The following CSMD3 variants were observed in gnomAD, a reference collection of about 807,000 sequenced individuals.
CSMD3 encodes CUB and sushi domain-containing protein 3.
CSMD3 carries 177 observed loss-of-function variants against 435.2 expected under a neutral mutation model. That is an observed-to-expected ratio of 0.41 (90% CI 0.36 to 0.46). The LOEUF is 0.46. Among genes scored for constraint, CSMD3 ranks in the 20% least tolerant of loss-of-function variants. The probability of loss-of-function intolerance (pLI) is 0.34; values close to 1 mark genes in which losing one functional copy is unlikely to be tolerated. For missense variants in CSMD3, 4,265 were observed against 4,504.6 expected, an observed-to-expected ratio of 0.95 and a Z score of 1.52; for synonymous variants, 1,656 against 1,520.5, an observed-to-expected ratio of 1.09 and a Z score of -2.07.
At position 112,231,566 on chromosome 8, in the gene CSMD3, G is replaced by T; in HGVS notation, c.10807C>A (p.Gln3603Lys). ...QGFIQGKDYG[Q>K]FGLQRLGLNM... ...TTACCCAGTCTTTGTAGGCCAAATT[G>T]TCCATAATCTTTGCCTTGAATAAAT... The change falls in exon 69 of 71, where the codon CAA becomes AAA. Residue 3603 changes from glutamine (Q) to lysine (K), a missense_variant. Physicochemically the swap from Gln to Lys is moderately conservative, Grantham distance 53. Around this residue, in one of 3 missense-constraint regions of CSMD3, gnomAD observed 3,255 missense variants for 3,380.2 expected, o/e 0.96. Transcript: ENST00000297405. The T allele has an allele frequency of 1.2e-6, 2 of 1,608,252 alleles. No homozygotes were observed. The highest frequency in any genetic ancestry group is 1.7e-6 in the Non-Finnish European group (2 of 1,174,974).
intron 11 of CSMD3, among the ~76,000 whole-genome samples, chr8:112,843,523 G>A (rs2080237479): frequency 6.6e-6 from 1 of 151,886 alleles, no homozygotes; most frequent in African/African-American, 2.4e-5. Flanking sequence ...TAAGAATCTT[G>A]AGATGAAAAG....
intron 9 of CSMD3, among the ~76,000 whole-genome samples, chr8:112,936,423 C>CAT (rs2083282317): frequency 6.6e-6 from 1 of 152,028 alleles, no homozygotes; most frequent in South Asian, 2.1e-4. Context: ...TTTACATATA[C>CAT]ATAATAAAGC....
At chr8:112,717,615 A>G (rs1275079000) in intron 13 of CSMD3, among the ~76,000 whole-genome samples, 1 of 152,184 alleles carries the variant, frequency 6.6e-6, no homozygotes, top group African/African-American at 2.4e-5. Context: ...ATGAACACCT[A>G]TGTTTATTGC....
At chr8:112,420,963 G>T (rs1812432268) in intron 32 of CSMD3, among the ~76,000 whole-genome samples, 1 of 152,060 alleles carries the variant, frequency 6.6e-6, no homozygotes, top group South Asian at 2.1e-4. Flanking sequence ...TGCCTTTTCT[G>T]CAGGCAAAGT....
At chr8:112,343,001 T>TTATATATA (rs34740069) in intron 41 of CSMD3, among the ~76,000 whole-genome samples, 36 of 109,674 alleles carry the variant, frequency 3.3e-4, no homozygotes, top group African/African-American at 8.1e-4. Flanking sequence ...ATATATATAT[T>TTATATATA]TATATATATA....
At chr8:112,838,184 G>T (rs908620106) in intron 11 of CSMD3, among the ~76,000 whole-genome samples, 1 of 151,584 alleles carries the variant, frequency 6.6e-6, no homozygotes, top group Non-Finnish European at 1.5e-5. Flanking sequence ...GTTGGGAACT[G>T]GGAAAGAACA....
chr8:113,031,915 G>C (rs955155938), intron 5 of CSMD3, among the ~76,000 whole-genome samples: 3 of 151,406 alleles, frequency 2.0e-5, no homozygotes, highest in Non-Finnish European at 4.4e-5. Context: ...TGATAGTGAG[G>C]GAGTTCTCAT....
At position 113,030,435 on chromosome 8, in the gene CSMD3, A is replaced by AT. The variant is rs1369587396; in HGVS notation, c.918-11257_918-11256insA. 2.5e-3 allele frequency among the ~76,000 whole-genome samples: 380 copies of AT among 149,460 alleles called. 4 individuals are homozygous for AT. The highest frequency in any genetic ancestry group is 8.5e-3 in the African/African-American group (350 of 41,202). ...GTACTGGTAAAAAAAAAAAAAAAAA[A>AT]AAAAAAAAAAGATAAGCATGTAGGC... is the stretch of plus-strand genomic sequence containing the variant. On this transcript the variant is annotated intron_variant, in intron 5 of 70. Coordinates refer to ENST00000297405, the MANE Select transcript of CSMD3 (RefSeq NM_198123.2).
At chr8:112,680,584 T>G (rs926844220) in intron 16 of CSMD3, among the ~76,000 whole-genome samples, 1 of 152,158 alleles carries the variant, frequency 6.6e-6, no homozygotes, top group African/African-American at 2.4e-5. Context: ...TCATAATTAT[T>G]GACAGAGTAG....
chr8:113,305,599 A>T (rs2093813812), intron 2 of CSMD3, among the ~76,000 whole-genome samples: 1 of 152,206 alleles, frequency 6.6e-6, no homozygotes, highest in South Asian at 2.1e-4. Context: ...CTATTTCTTC[A>T]CTAAAAGCCA....
At chr8:113,090,654 C>G (rs1018123042) in intron 5 of CSMD3, among the ~76,000 whole-genome samples, 3 of 152,118 alleles carry the variant, frequency 2.0e-5, no homozygotes, top group Non-Finnish European at 4.4e-5. Context: ...TCTTCAATCT[C>G]CTCCTCCATT....
intron 53 of CSMD3, 98 bp from the exon 54 acceptor site, chr8:112,296,104 T>TA (rs1820240233): frequency 1.1e-6 from 1 of 936,232 alleles, no homozygotes; most frequent in African/African-American, 1.6e-5. Flanking sequence ...AAAGTTGTCT[T>TA]AAAAGCAAGC....
intron 5 of CSMD3, among the ~76,000 whole-genome samples, chr8:113,065,243 A>C (rs527845644): frequency 6.6e-6 from 1 of 152,304 alleles, no homozygotes; most frequent in South Asian, 2.1e-4. Flanking sequence ...AAAATACAAA[A>C]CAAAATATTA....
chr8:112,687,813 A>G (rs1489308697), intron 14 of CSMD3, among the ~76,000 whole-genome samples: 1 of 152,106 alleles, frequency 6.6e-6, no homozygotes, highest in Admixed American at 6.6e-5. Flanking sequence ...TTTCATATTT[A>G]AGGGGAAAAC....
chr8:112,864,261 TTG>T (rs2080912364), intron 10 of CSMD3, among the ~76,000 whole-genome samples: 1 of 152,244 alleles, frequency 6.6e-6, no homozygotes, highest in East Asian at 1.9e-4. Flanking sequence ...GTTGTTGTTG[TTG>T]TTTTAGACGG....
chr8:113,218,782 G>A (rs1325844618), intron 3 of CSMD3, among the ~76,000 whole-genome samples: 1 of 151,056 alleles, frequency 6.6e-6, no homozygotes, highest in East Asian at 1.9e-4. Flanking sequence ...AAATGCTTGG[G>A]GCCAGAAATG....
At chr8:112,882,506 CTACTT>C (rs1231557708) in intron 10 of CSMD3, among the ~76,000 whole-genome samples, 1 of 152,010 alleles carries the variant, frequency 6.6e-6, no homozygotes, top group African/African-American at 2.4e-5. Context: ...ACTACCTACT[CTACTT>C]TCTTTGCTTT....
intron 1 of CSMD3, among the ~76,000 whole-genome samples, chr8:113,424,242 C>T (rs2094623268): frequency 6.6e-6 from 1 of 151,592 alleles, no homozygotes; most frequent in Non-Finnish European, 1.5e-5. Flanking sequence ...TACCAAACTC[C>T]TATGTAGCAA....
At chr8:113,024,401 G>A (rs2086797760) in intron 5 of CSMD3, among the ~76,000 whole-genome samples, 1 of 150,496 alleles carries the variant, frequency 6.6e-6, no homozygotes, top group Admixed American at 6.6e-5. Context: ...ATTGTGAATA[G>A]TGAAGCAATA....
Sources: allele counts gnomAD v4.1 joint callset (sites outside exome capture counted in the v4.1 genomes callset), GRCh38; gene constraint gnomAD v4.1.1; regional missense constraint gnomAD v4.1.1; transcripts MANE v1.5; gene names NCBI Gene and HGNC (gene_info 2026-07-23, HGNC 2026-07-21).